The following SND1 variants were observed in gnomAD, a reference collection of about 807,000 sequenced individuals.
The protein encoded by SND1 is staphylococcal nuclease domain-containing protein 1.
SND1 carries 38 observed loss-of-function variants against 121.7 expected under a neutral mutation model. The observed-to-expected ratio is 0.31, with a 90% CI of 0.24 to 0.41. SND1 has a LOEUF of 0.41. Ranked by LOEUF, SND1 falls within the 10% of genes least tolerant of loss-of-function variation. SND1 has a pLI of 1.00. For synonymous variants in SND1, 401 were observed against 447.4 expected, an observed-to-expected ratio of 0.90 and a Z score of 1.31; for missense variants, 868 against 1,184.6, an observed-to-expected ratio of 0.73 and a Z score of 3.92.
intron 15 of SND1, among the ~76,000 whole-genome samples, chr7:127,983,629 C>T (rs1248582075): frequency 6.6e-6 from 1 of 151,964 alleles, no homozygotes; most frequent in East Asian, 1.9e-4. Flanking sequence ...TCTCCCCCAT[C>T]GTTTGATCAA....
At chr7:127,680,602 C>T (rs540842775) in intron 1 of SND1, among the ~76,000 whole-genome samples, 147 of 151,990 alleles carry the variant, frequency 9.7e-4, no homozygotes, top group African/African-American at 3.1e-3. Context: ...CCCGGCTCAC[C>T]GGCGGTCAGA....
intron 15 of SND1, among the ~76,000 whole-genome samples, chr7:127,977,952 A>G (rs151188624): frequency 2.5e-4 from 38 of 152,254 alleles, no homozygotes; most frequent in Non-Finnish European, 4.3e-4. Flanking sequence ...GAGGTTTAGG[A>G]GGAAGAAGAT....
intron 15 of SND1, among the ~76,000 whole-genome samples, chr7:127,946,536 T>C (rs1278395007): frequency 6.6e-6 from 1 of 152,202 alleles, no homozygotes; most frequent in African/African-American, 2.4e-5. Flanking sequence ...TCTTTTCTAA[T>C]ATGGAGGTGA....
chr7:127,814,848 A>G (rs1563022916), intron 11 of SND1, among the ~76,000 whole-genome samples: 1 of 152,140 alleles, frequency 6.6e-6, no homozygotes. Context: ...TGTTGGTTCT[A>G]AGGTTGAAAT....
intron 12 of SND1, among the ~76,000 whole-genome samples, chr7:127,881,603 AC>A (rs1260706580): frequency 3.3e-5 from 5 of 152,164 alleles, no homozygotes; most frequent in Non-Finnish European, 7.4e-5. Flanking sequence ...AATATGCATT[AC>A]CTTTGGCTGT....
chr7:127,738,995 G>A (rs192277501), intron 10 of SND1, among the ~76,000 whole-genome samples: 255 of 152,336 alleles, frequency 1.7e-3, no homozygotes, highest in Admixed American at 3.5e-3. Context: ...CACAGGAAGT[G>A]TGAGTGGAGA....
intron 10 of SND1, among the ~76,000 whole-genome samples, chr7:127,783,879 G>A (rs1797767658): frequency 6.6e-6 from 1 of 152,022 alleles, no homozygotes; most frequent in African/African-American, 2.4e-5. Flanking sequence ...CTTAAGGTGG[G>A]GACCTATACC....
At chr7:127,947,737 G>T (rs1801360595) in intron 15 of SND1, among the ~76,000 whole-genome samples, 1 of 152,166 alleles carries the variant, frequency 6.6e-6, no homozygotes, top group African/African-American at 2.4e-5. Flanking sequence ...TCCACTCTGA[G>T]TCTTGGGTCC....
intron 16 of SND1, chr7:128,031,739 G>GCGGCGGCGGCCGCAGCCCC (rs1344950336): frequency 6.9e-6 from 1 of 144,418 alleles, no homozygotes; most frequent in Non-Finnish European, 1.5e-5. Flanking sequence ...GGGTCCGGCG[G>GCGGCGGCGGCCGCAGCCCC]CGGCGGCGGC....
chr7:127,782,342 C>G (rs937222143), intron 10 of SND1, among the ~76,000 whole-genome samples: 2 of 152,214 alleles, frequency 1.3e-5, no homozygotes, highest in African/African-American at 4.8e-5. Flanking sequence ...GTTTGAAAAG[C>G]AGTCCTGGGG....
At chr7:127,989,680 G>A (rs543907290) in intron 15 of SND1, among the ~76,000 whole-genome samples, 2 of 152,242 alleles carry the variant, frequency 1.3e-5, no homozygotes, top group African/African-American at 4.8e-5. Context: ...GACCACCAGT[G>A]ATTCAGAGAC....
intron 14 of SND1, among the ~76,000 whole-genome samples, chr7:127,908,569 C>T (rs1026837814): frequency 6.6e-6 from 1 of 152,074 alleles, no homozygotes; most frequent in African/African-American, 2.4e-5. Flanking sequence ...CCTTTCAAGC[C>T]AGGGTGTTCC....
chr7:127,985,162 A>G (rs889227787), intron 15 of SND1, among the ~76,000 whole-genome samples: 1 of 152,130 alleles, frequency 6.6e-6, no homozygotes, highest in Non-Finnish European at 1.5e-5. Flanking sequence ...GTGTGCGGAG[A>G]GAACAGAGGT....
intron 16 of SND1, among the ~76,000 whole-genome samples, chr7:128,050,844 G>C (rs531739064): frequency 1.3e-5 from 2 of 152,338 alleles, no homozygotes; most frequent in Non-Finnish European, 1.5e-5. Context: ...CCGTGATGAA[G>C]GGCTCTGGGA....
chr7:127,930,761 A>G (rs1160864730), intron 15 of SND1, among the ~76,000 whole-genome samples: 3 of 152,074 alleles, frequency 2.0e-5, no homozygotes, highest in East Asian at 3.9e-4. Flanking sequence ...ATACCCATGA[A>G]GTTTCTTGGT....
At chr7:127,673,193 AATATATG>A (rs1472305617) in intron 1 of SND1, among the ~76,000 whole-genome samples, 1 of 91,318 alleles carries the variant, frequency 1.1e-5, no homozygotes, top group African/African-American at 5.9e-5. Flanking sequence ...TATATATTAT[AATATATG>A]ATATATAATA....
At chr7:127,930,041 T>C (rs1408928883) in intron 15 of SND1, among the ~76,000 whole-genome samples, 1 of 152,256 alleles carries the variant, frequency 6.6e-6, no homozygotes, top group Non-Finnish European at 1.5e-5. Flanking sequence ...ATTTCTTTGC[T>C]GCTGGCAAAT....
At chr7:127,782,454 ATTAAACAGCCTGGGGAGC>A (rs1797740714) in intron 10 of SND1, among the ~76,000 whole-genome samples, 1 of 152,222 alleles carries the variant, frequency 6.6e-6, no homozygotes, top group Non-Finnish European at 1.5e-5. Flanking sequence ...TTAAGGCATC[ATTAAACAGCCTGGGGAGC>A]TTATTTTTCT....
chr7:127,674,698 T>G (rs138320671), intron 1 of SND1, among the ~76,000 whole-genome samples: 1 of 152,386 alleles, frequency 6.6e-6, no homozygotes, highest in East Asian at 1.9e-4. Context: ...TAGCATCTCT[T>G]TTGTTTTTGG....
Sources: allele counts gnomAD v4.1 joint callset (sites outside exome capture counted in the v4.1 genomes callset), GRCh38; gene constraint gnomAD v4.1.1; transcripts MANE v1.5; gene names NCBI Gene and HGNC (gene_info 2026-07-23, HGNC 2026-07-21).